The following HECTD4 variants were observed in gnomAD, a reference collection of about 807,000 sequenced individuals.
HECTD4 encodes probable E3 ubiquitin-protein ligase HECTD4.
Under a neutral mutation model 471.5 loss-of-function variants are expected in HECTD4, and 114 were observed. The ratio of observed to expected loss-of-function variants is 0.24; its 90% confidence interval spans 0.21 to 0.28. The LOEUF is 0.28. HECTD4 is among the 10% of genes least tolerant of loss of function. The pLI is 1.00. For missense variants in HECTD4, 3,866 were observed against 5,651.5 expected (o/e 0.68, Z 10.13); for synonymous variants, 2,012 against 2,256.0 (o/e 0.89, Z 3.07).
intron 19 of HECTD4, 71 bp downstream of exon 19, chr12:112,259,041 G>A (rs559198959): frequency 2.9e-6 from 4 of 1,372,694 alleles, no homozygotes; most frequent in Non-Finnish European, 4.0e-6. Context: ...TGTCTTCAGT[G>A]AAAGCAAACA....
chr12:112,280,476 A>G (rs73423244), intron 8 of HECTD4, among the ~76,000 whole-genome samples: 273 of 152,294 alleles, frequency 1.8e-3, no homozygotes, highest in African/African-American at 6.2e-3. Flanking sequence ...GCCTGGATAG[A>G]TGAAAATCAT....
Position 112,172,684 on chromosome 12 carries a change from C to T in HECTD4, c.11772G>A (p.Val3924=), listed in dbSNP as rs758498874. The part of the protein sequence containing the change: ...LDPADAADPR[V]ACLLNVPIES... ...AGGGCCACATACTCAGGAGACAGGC[C>T]ACTCTGGGGTCAGCAGCATCCGCGG... Residue 3924 remains valine, a synonymous_variant, in exon 67 of 76, where the codon GTG becomes GTA. Coordinates refer to ENST00000682272, the MANE Select transcript of HECTD4 (RefSeq NM_001388303.1). 3 of 1,613,840 alleles carry T rather than the reference C, an allele frequency of 1.9e-6. No individual in the cohort carries two copies. The highest frequency in any genetic ancestry group is 1.7e-5 in the Admixed American group (1 of 60,008).
intron 7 of HECTD4, among the ~76,000 whole-genome samples, chr12:112,291,603 T>C (rs902471875): frequency 6.6e-6 from 1 of 152,042 alleles, no homozygotes; most frequent in African/African-American, 2.4e-5. Flanking sequence ...CCAGGCGCAG[T>C]GGCTCACATT....
intron 7 of HECTD4, among the ~76,000 whole-genome samples, chr12:112,304,462 T>C (rs967212621): frequency 1.3e-5 from 2 of 152,034 alleles, no homozygotes; most frequent in African/African-American, 4.8e-5. Flanking sequence ...GGTCTCGCTA[T>C]GTTGCCCAGG....
At chr12:112,354,099 G>T (rs1179811403) in intron 1 of HECTD4, among the ~76,000 whole-genome samples, 1 of 151,944 alleles carries the variant, frequency 6.6e-6, no homozygotes, top group Non-Finnish European at 1.5e-5. Context: ...TTGAGATAGG[G>T]TCTCGCTCTG....
chr12:112,281,106 C>T (rs1252355844), intron 8 of HECTD4, among the ~76,000 whole-genome samples: 2 of 152,016 alleles, frequency 1.3e-5, no homozygotes, highest in African/African-American at 2.4e-5. Context: ...CTTACAGACA[C>T]CTTGAATGTT....
rs1202014384 is a variant in HECTD4, at chr12:112,230,804, G to A, written c.6219C>T (p.Pro2073=). The A allele has an allele frequency of 1.9e-5, 30 of 1,610,146 alleles. No homozygotes were observed. The highest frequency in any genetic ancestry group is 2.2e-5 in the South Asian group (2 of 90,026). Residue 2073 remains proline (P), a synonymous_variant, in exon 40 of 76, where the codon CCC becomes CCT. Transcript: ENST00000682272. ...TGTTTGCCACATGCCCACTGATGAA[G>A]GGACGCACAGGATCAGTCCTGCAAG... The part of the protein sequence containing the change: ...SELARTDPVR[P]FISGHVANSM...
In HECTD4 at chr12:112,228,541, T is replaced by C; in HGVS notation, c.6684+106A>G. On this transcript the variant is annotated intron_variant, in intron 42 of 75. Coordinates refer to ENST00000682272, the MANE Select transcript of HECTD4 (RefSeq NM_001388303.1). The surrounding 1 kb of genome is among the most constrained non-coding windows in gnomAD (Gnocchi z 4.9). ...ATAAATATACATCACAAGTACAATT[T>C]AAGATAATCAAGCATTTGTGCTTCT... The C allele has an allele frequency of 9.6e-7, 1 of 1,036,794 alleles. No homozygotes were observed. The highest frequency in any genetic ancestry group is 1.4e-6 in the Non-Finnish European group (1 of 727,208). 64.2% of individuals were successfully genotyped at this position (1,036,794 alleles called of 1,614,324 possible).
In HECTD4 at chr12:112,235,930, T is replaced by G; in HGVS notation, c.5445-146A>C. On this transcript the variant is annotated intron_variant, in intron 35 of 75. Coordinates refer to ENST00000682272, the MANE Select transcript of HECTD4 (RefSeq NM_001388303.1). The surrounding 1 kb of genome is among the most constrained non-coding windows in gnomAD (Gnocchi z 5.0). ...GTGGCACTATGCTTCTGTGAAGAAT[T>G]AAGAATTTTGGAAACATTTGATGAA... is the stretch of plus-strand genomic sequence containing the variant. 2.7e-6 allele frequency: 2 copies of G among 727,848 alleles called. No individual in the cohort carries two copies. Among genetic ancestry groups the G allele is most frequent in the Non-Finnish European group, 4.4e-6 (2 of 458,636 alleles). 45.1% of individuals were successfully genotyped at this position (727,848 alleles called of 1,614,324 possible). A position where few individuals can be genotyped will look rare whatever the true frequency, so the allele number is the denominator to read the frequency against.
Position 112,235,658 on chromosome 12 carries a change from C to T in HECTD4, c.5571G>A (p.Leu1857=), listed in dbSNP as rs1280174004. 2 of 1,613,916 alleles carry T rather than the reference C, an allele frequency of 1.2e-6. No individual in the cohort carries two copies. Among genetic ancestry groups the T allele is most frequent in the East Asian group, 2.2e-5 (1 of 44,890 alleles). The part of the protein sequence containing the change: ...LIILQLCRAA[L]PLMSVEDCGN... ...CACAGTCTTCTACGCTCATCAGGGG[C>T]AGCGCCGCCCGGCACAGCTGGAGAA... Residue 1857 remains leucine (L), a synonymous_variant, in exon 36 of 76, where the codon CTG becomes CTA. Transcript: ENST00000682272. This position sits in a 1 kb window ranked among gnomAD's most constrained non-coding sequence, Gnocchi z 5.0.
At chr12:112,304,672 A>G (rs1427636079) in intron 7 of HECTD4, among the ~76,000 whole-genome samples, 1 of 149,338 alleles carries the variant, frequency 6.7e-6, no homozygotes, top group African/African-American at 2.4e-5. Flanking sequence ...CTCTTTAAAA[A>G]CCAATTAAAA....
rs1324978183 is a variant in HECTD4 at position 112,235,067 on chromosome 12, T to C, written c.5915+10A>G. 2 of 1,556,780 alleles carry C rather than the reference T, an allele frequency of 1.3e-6. No homozygotes were observed. The highest frequency in any genetic ancestry group is 8.7e-7 in the Non-Finnish European group (1 of 1,149,668). On this transcript the variant is annotated intron_variant, in intron 37 of 75. Coordinates refer to ENST00000682272, the MANE Select transcript of HECTD4 (RefSeq NM_001388303.1). This position sits in a 1 kb window ranked among gnomAD's most constrained non-coding sequence, Gnocchi z 5.0. ...TGAGGATGTGTAGCTATCACAATCA[T>C]TATGGTCACCTTAGCAATGGCTGGA... is the stretch of plus-strand genomic sequence containing the variant.
intron 1 of HECTD4, among the ~76,000 whole-genome samples, chr12:112,323,834 G>C: frequency 6.6e-6 from 1 of 150,846 alleles, no homozygotes; most frequent in Non-Finnish European, 1.5e-5. Context: ...TTAAATAAAA[G>C]GAAAAAAATT....
chr12:112,381,907 G>A lies in HECTD4; in HGVS notation c.177+45C>T, dbSNP rs2036902510. The A allele has an allele frequency of 9.1e-6, 11 of 1,202,782 alleles. No homozygotes were observed. The Admixed American group carries it at 1.7e-4, about 19-fold the overall frequency. 74.5% of individuals were successfully genotyped at this position (1,202,782 alleles called of 1,614,324 possible). A position where few individuals can be genotyped will look rare whatever the true frequency, so the allele number is the denominator to read the frequency against. ...GGGGCCCGACCCGGGGGTGCCGGGC[G>A]AGTGGGTCAGTCCGATGGCGGGGGC... On this transcript the variant is annotated intron_variant, in intron 1 of 75. Coordinates refer to ENST00000682272, the MANE Select transcript of HECTD4 (RefSeq NM_001388303.1). The surrounding 1 kb of genome is among the most constrained non-coding windows in gnomAD (Gnocchi z 4.1).
Position 112,184,159 on chromosome 12 carries a change from G to T in HECTD4, c.10779+28C>A, listed in dbSNP as rs765091874. On this transcript the variant is annotated intron_variant, in intron 61 of 75. Coordinates refer to ENST00000682272, the MANE Select transcript of HECTD4 (RefSeq NM_001388303.1). This position sits in a 1 kb window ranked among gnomAD's most constrained non-coding sequence, Gnocchi z 9.1. The stretch of plus-strand genomic sequence containing the variant: ...GGGGATTGAAATGGGTCATGATTTA[G>T]TGGTTGCAGAGGCTTGAAAGCTGTT... 3 of 1,553,468 alleles carry T rather than the reference G, an allele frequency of 1.9e-6. No individual in the cohort carries two copies. Among genetic ancestry groups the T allele is most frequent in the African/African-American group, 1.4e-5 (1 of 73,724 alleles).
intron 6 of HECTD4, 111 bp from the exon 7 acceptor site, chr12:112,306,345 C>T: frequency 1.1e-6 from 1 of 890,966 alleles, no homozygotes; most frequent in Non-Finnish European, 1.5e-6. Context: ...ACTAGGCTTT[C>T]TGGTCAAAAT....
At chr12:112,324,070 CTTTCTTT>C (rs2035683607) in intron 1 of HECTD4, among the ~76,000 whole-genome samples, 1 of 82,660 alleles carries the variant, frequency 1.2e-5, no homozygotes, top group African/African-American at 7.0e-5. Flanking sequence ...TTCTTTCTTT[CTTTCTTT>C]CTTTCTTTCT....
intron 38 of HECTD4, among the ~76,000 whole-genome samples, chr12:112,232,245 C>T (rs1288341980): frequency 6.6e-6 from 1 of 152,170 alleles, no homozygotes; most frequent in Non-Finnish European, 1.5e-5. Context: ...ATTCTCCTGC[C>T]TCAGCCTCCC....
intron 34 of HECTD4, 75 bp from the exon 35 acceptor site, chr12:112,237,173 A>T: frequency 3.8e-6 from 5 of 1,329,696 alleles, no homozygotes; most frequent in Non-Finnish European, 5.0e-6. Flanking sequence ...GGGGGCGGCG[A>T]GCCCTGTCCA....
Sources: allele counts gnomAD v4.1 joint callset (sites outside exome capture counted in the v4.1 genomes callset), GRCh38; gene constraint gnomAD v4.1.1; non-coding constraint Gnocchi (gnomAD v3.1); transcripts MANE v1.5; gene names NCBI Gene and HGNC (gene_info 2026-07-23, HGNC 2026-07-21).